FSTL4: variants seen among roughly 807,000 people sequenced by gnomAD.
FSTL4 encodes follistatin-related protein 4.
Under a neutral mutation model 78.2 loss-of-function variants are expected in FSTL4, and 28 were observed. The ratio of observed to expected loss-of-function variants is 0.36; its 90% CI spans 0.27 to 0.49. The LOEUF (loss-of-function observed/expected upper bound fraction) is 0.49. Among genes scored for constraint, FSTL4 ranks in the 20% least tolerant of loss-of-function variants. The probability of loss-of-function intolerance (pLI) is 0.98; values close to 1 mark genes in which losing one functional copy is unlikely to be tolerated. For missense variants in FSTL4, 922 were observed against 1,084.9 expected (o/e 0.85, Z 2.11); for synonymous variants, 422 against 440.5 (o/e 0.96, Z 0.53).
chr5:133,570,383 C>A (rs1388007519), intron 2 of FSTL4, among the ~76,000 whole-genome samples: 1 of 152,044 alleles, frequency 6.6e-6, no homozygotes, highest in Non-Finnish European at 1.5e-5. Context: ...AGTGCAGTGG[C>A]ACGATCTCGA....
rs191691308 is a variant in FSTL4 at position 133,419,306 on chromosome 5, G to C, written c.161-18320C>G. Among the ~76,000 whole-genome samples the C allele has an allele frequency of 2.6e-4, 39 of 152,208 alleles. 1 individual carries two copies. The highest frequency in any genetic ancestry group is 5.8e-4 in the African/African-American group (24 of 41,514). Reference sequence around the variant, plus strand: ...AGCTAATTTTTGTATTTTTAGTAGAGACAGGGTTTCACCACATTGGCCAGG... The same window carrying C: ...AGCTAATTTTTGTATTTTTAGTAGACACAGGGTTTCACCACATTGGCCAGG... On this transcript the variant is annotated intron_variant, in intron 3 of 15. Coordinates refer to ENST00000265342, the MANE Select transcript of FSTL4 (RefSeq NM_015082.2).
At chr5:133,691,822 C>T in the FSTL4 span, among the ~76,000 whole-genome samples, 273 of 152,260 alleles carry the variant, frequency 1.8e-3, no homozygotes, top group Middle Eastern at 6.8e-3. Context: ...AAGACAAACC[C>T]TCTTAAGTAG....
chr5:133,506,898 A>G (rs1286878898), intron 3 of FSTL4, among the ~76,000 whole-genome samples: 1 of 152,228 alleles, frequency 6.6e-6, no homozygotes, highest in African/African-American at 2.4e-5. Flanking sequence ...ACCTGAAATA[A>G]ATTAGACTGG....
chr5:133,535,527 T>C (rs1473280017), intron 3 of FSTL4, among the ~76,000 whole-genome samples: 2 of 152,262 alleles, frequency 1.3e-5, no homozygotes, highest in Non-Finnish European at 2.9e-5. Flanking sequence ...ATACTTTTAG[T>C]TAATTTAACA....
intron 3 of FSTL4, among the ~76,000 whole-genome samples, chr5:133,488,334 A>G (rs1758179493): frequency 6.6e-6 from 1 of 152,204 alleles, no homozygotes; most frequent in Non-Finnish European, 1.5e-5. Context: ...TGCTCACTGC[A>G]ACCTCTGCCT....
At chr5:133,333,342 C>T (rs956794533) in intron 4 of FSTL4, among the ~76,000 whole-genome samples, 3 of 152,242 alleles carry the variant, frequency 2.0e-5, no homozygotes, top group African/African-American at 7.2e-5. Flanking sequence ...CCGTTGCCTG[C>T]CTGTCCTTTT....
At chr5:133,840,975 A>T in the FSTL4 span, among the ~76,000 whole-genome samples, 1 of 152,340 alleles carries the variant, frequency 6.6e-6, no homozygotes, top group Middle Eastern at 3.4e-3. Flanking sequence ...TGGGAAGGGG[A>T]TGGAGACCTC....
intron 2 of FSTL4, among the ~76,000 whole-genome samples, chr5:133,601,923 A>G (rs1283011158): frequency 1.3e-5 from 2 of 151,544 alleles, no homozygotes; most frequent in Non-Finnish European, 2.9e-5. Context: ...GGCTCAAGTG[A>G]TCTGCCCACC....
At chr5:133,420,785 A>G (rs1388990220) in intron 3 of FSTL4, among the ~76,000 whole-genome samples, 1 of 152,224 alleles carries the variant, frequency 6.6e-6, no homozygotes, top group Non-Finnish European at 1.5e-5. Flanking sequence ...ATGGCTGTAG[A>G]GTAATACAGG....
chr5:133,313,011 A>G (rs1407372011), intron 5 of FSTL4, among the ~76,000 whole-genome samples: 1 of 152,200 alleles, frequency 6.6e-6, no homozygotes, highest in Non-Finnish European at 1.5e-5. Context: ...GGCAGACTCT[A>G]GACTAGAGCT....
intron 7 of FSTL4, among the ~76,000 whole-genome samples, chr5:133,240,043 G>A (rs1307087828): frequency 6.6e-6 from 1 of 152,200 alleles, no homozygotes; most frequent in Non-Finnish European, 1.5e-5. Context: ...TTTGCTCTTT[G>A]CAATAAATGC....
chr5:133,393,552 A>G (rs1178782170), intron 4 of FSTL4, among the ~76,000 whole-genome samples: 1 of 152,242 alleles, frequency 6.6e-6, no homozygotes, highest in Non-Finnish European at 1.5e-5. Flanking sequence ...AAAGAACAAC[A>G]GCGGCTACTG....
chr5:133,321,734 G>A (rs754680899), intron 4 of FSTL4, among the ~76,000 whole-genome samples: 8 of 152,248 alleles, frequency 5.3e-5, no homozygotes, highest in Non-Finnish European at 8.8e-5. Flanking sequence ...CTGGGATGGG[G>A]AGACTCAGAA....
At chr5:133,829,957 G>C in the FSTL4 span, among the ~76,000 whole-genome samples, 1 of 152,128 alleles carries the variant, frequency 6.6e-6, no homozygotes, top group Non-Finnish European at 1.5e-5. Flanking sequence ...TCTTGAACAA[G>C]ACCCTAGCCC....
chr5:133,337,095 C>T lies in FSTL4; in HGVS notation c.410-20443G>A, dbSNP rs138264355. Among the ~76,000 whole-genome samples the T allele has an allele frequency of 6.8e-3, 1,033 of 152,358 alleles. 4 individuals are homozygous for T. The highest frequency in any genetic ancestry group is 0.027 in the Middle Eastern group (8 of 294). On this transcript the variant is annotated intron_variant, in intron 4 of 15. Transcript: ENST00000265342. ...TGTTCGGGGATGGCGGGCTGCAGGCCCACAGTGCTCGATTTGGGATATCGT... is the reference window on the plus strand; with the variant it reads ...TGTTCGGGGATGGCGGGCTGCAGGCTCACAGTGCTCGATTTGGGATATCGT...
At chr5:133,741,941 A>T in the FSTL4 span, among the ~76,000 whole-genome samples, 1 of 151,912 alleles carries the variant, frequency 6.6e-6, no homozygotes, top group African/African-American at 2.4e-5. Flanking sequence ...AGACTGCATG[A>T]CTCTTCACCC....
At chr5:133,729,226 A>AACAC in the FSTL4 span, among the ~76,000 whole-genome samples, 27 of 148,422 alleles carry the variant, frequency 1.8e-4, no homozygotes, top group South Asian at 1.1e-3. Flanking sequence ...GATTTATGAA[A>AACAC]ACACACACAC....
At chr5:133,668,066 G>A in the FSTL4 span, among the ~76,000 whole-genome samples, 1 of 152,346 alleles carries the variant, frequency 6.6e-6, no homozygotes, top group African/African-American at 2.4e-5. Flanking sequence ...CTTGTGACAG[G>A]ACTAGCAGGT....
At chr5:133,632,023 C>G in the FSTL4 span, among the ~76,000 whole-genome samples, 2 of 151,944 alleles carry the variant, frequency 1.3e-5, no homozygotes, top group Non-Finnish European at 2.9e-5. Context: ...GGGAGGGATA[C>G]CATTAGGAGA....
Sources: gnomAD v4.1 joint callset for allele counts (sites outside exome capture counted in the v4.1 genomes callset) on GRCh38, gnomAD v4.1.1 for gene constraint, MANE v1.5 for transcripts, NCBI Gene and HGNC (gene_info 2026-07-23, HGNC 2026-07-21) for gene names.